The following LILRA2 variants were observed in gnomAD, a reference collection of about 807,000 sequenced individuals.
The protein encoded by LILRA2 is leukocyte immunoglobulin like receptor A2, also known as leukocyte immunoglobulin-like receptor subfamily A member 2.
Under a neutral mutation model 47.9 loss-of-function variants are expected in LILRA2, and 45 were observed. That is an observed-to-expected ratio of 0.94 (90% CI 0.74 to 1.20). The LOEUF is 1.20. Among genes scored for constraint, LILRA2 ranks in the 50% most tolerant of loss-of-function variants. LILRA2 has a pLI of 0.00. For missense variants in LILRA2, 651 were observed against 598.2 expected (o/e 1.09, Z -0.92); for synonymous variants, 279 against 249.2 (o/e 1.12, Z -1.13).
At chr19:54,573,514 G>C, upstream of LILRA2, 1 of 918,910 alleles carries the variant, frequency 1.1e-6, no homozygotes, top group Non-Finnish European at 1.8e-6. Context: ...TGAGAAGGAA[G>C]AGGAAGCCTC....
chr19:54,574,859 G>A lies in LILRA2; in HGVS notation c.481G>A (p.Glu161Lys). 1 of 1,614,270 alleles carries A rather than the reference G, an allele frequency of 6.2e-7. No individual in the cohort carries two copies. The highest frequency in any genetic ancestry group is 8.5e-7 in the Non-Finnish European group (1 of 1,180,046). ...GFILCKEGED[E>K]HPQRLNSHSH... ...CATTCTGTGTAAGGAAGGAGAAGAT[G>A]AACACCCACAACGCCTGAACTCCCA... Residue 161 changes from glutamate to lysine, a missense_variant, in exon 4 of 8, where the codon GAA (glutamate) becomes AAA (lysine). Transcript: ENST00000391738.
At position 54,576,100 on chromosome 19, in the gene LILRA2, G is replaced by C. The variant is rs10408046; in HGVS notation, c.1246G>C (p.Val416Leu). The part of the protein sequence containing the change: ...LSLPSDPLEL[V>L]VSEAAETLSP... ...TCTCCCCAGTGACCCCCTGGAGCTC[G>C]TGGTCTCAGGTGAGGGCCCTGATCT... The change falls in exon 6 of 8, where the codon GTG becomes CTG. Residue 416 changes from valine to leucine, a missense_variant. Coordinates refer to ENST00000391738, the MANE Select transcript of LILRA2 (RefSeq NM_001130917.3). The C allele has an allele frequency of 3.5e-3, 5,617 of 1,612,864 alleles. 8 individuals carry two copies. The African/African-American group carries it at 0.064, about 18-fold the overall frequency.
chr19:54,587,661 G>GCT lies in LILRA2; in HGVS notation c.*318_*319dup, dbSNP rs1416574092. The GCT allele has an allele frequency of 2.4e-6, 1 of 421,032 alleles. No homozygotes were observed. The highest frequency in any genetic ancestry group is 4.1e-5 in the East Asian group (1 of 24,368). The allele number at this position is 421,032 out of a possible 1,614,324, so 26.1% of individuals were successfully genotyped here. The stretch of plus-strand genomic sequence containing the variant: ...GGTCCACACCTCCACACACCTGTGT[G>GCT]CTCTGGTCCACGGCATGTGACACAG... On this transcript the variant is annotated 3_prime_UTR_variant, in exon 8 of 8. Transcript: ENST00000391738.
At chr19:54,577,314 G>A (rs73612431) in intron 6 of LILRA2, among the ~76,000 whole-genome samples, 2,195 of 152,268 alleles carry the variant, frequency 0.014, 47 homozygotes, top group African/African-American at 0.05. Flanking sequence ...AGTAGAGGAA[G>A]GAGAACAGGC....
rs375210370 is a variant in LILRA2, at chr19:54,580,033, T to C, written c.1255+3924T>C. Among the ~76,000 whole-genome samples, 16 of 152,308 alleles carry C rather than the reference T, an allele frequency of 1.1e-4. No homozygotes were observed. In the South Asian group the frequency reaches 2.9e-3, roughly 28 times the overall value. The stretch of plus-strand genomic sequence containing the variant: ...GGCTGAGTCAATGGGGTTTTAAATA[T>C]ATAATCATGTCATCTGCAAGCAGAG... On this transcript the variant is annotated intron_variant, in intron 6 of 7. Coordinates refer to ENST00000391738, the MANE Select transcript of LILRA2 (RefSeq NM_001130917.3).
At chr19:54,576,887 A>G (rs2062468066) in intron 6 of LILRA2, among the ~76,000 whole-genome samples, 1 of 152,256 alleles carries the variant, frequency 6.6e-6, no homozygotes, top group Non-Finnish European at 1.5e-5. Flanking sequence ...TTCCCCTTGC[A>G]CCCTGGACTC....
chr19:54,585,199 C>T (rs1337720977), intron 6 of LILRA2, among the ~76,000 whole-genome samples: 13 of 152,208 alleles, frequency 8.5e-5, no homozygotes, highest in Admixed American at 8.5e-4. Context: ...TCTGTTGGCC[C>T]CTACTGGGAG....
Position 54,574,425 on chromosome 19 carries a change from A to G in LILRA2, c.195A>G (p.Lys65=). 1 of 1,614,100 alleles carries G rather than the reference A, an allele frequency of 6.2e-7. No homozygotes were observed. ...AEEYHLYREN[K]SASWVRRIQE... The stretch of plus-strand genomic sequence containing the variant: ...AGTACCATCTATATAGGGAAAACAA[A>G]TCAGCATCCTGGGTTAGACGGATAC... Residue 65 remains lysine (K), a synonymous_variant, in exon 3 of 8, where the codon AAA becomes AAG. Coordinates refer to ENST00000391738, the MANE Select transcript of LILRA2 (RefSeq NM_001130917.3).
At chr19:54,582,105 T>C (rs920424426) in intron 6 of LILRA2, among the ~76,000 whole-genome samples, 4 of 152,174 alleles carry the variant, frequency 2.6e-5, no homozygotes, top group Non-Finnish European at 2.9e-5. Flanking sequence ...TGAACCAGCC[T>C]TGCATCCCAG....
At position 54,589,793 on chromosome 19, in the gene LILRA2, AATTTCGGT is replaced by A. The variant is rs1358431787; in HGVS notation, c.*2452_*2459del. 1 of 151,618 alleles carries A rather than the reference AATTTCGGT, an allele frequency of 6.6e-6. No individual in the cohort carries two copies. The highest frequency in any genetic ancestry group is 2.4e-5 in the African/African-American group (1 of 41,364). 9.4% of individuals were successfully genotyped at this position (151,618 alleles called of 1,614,324 possible). A position where few individuals can be genotyped will look rare whatever the true frequency, so the allele number is the denominator to read the frequency against. On this transcript the variant is annotated 3_prime_UTR_variant, in exon 8 of 8. Coordinates refer to ENST00000391738, the MANE Select transcript of LILRA2 (RefSeq NM_001130917.3). Reference sequence around the variant, plus strand: ...ATGCTGTCCTAGAAGATCCACTTAGAATTTCGGTATTTACTCACCATTTTGACTCCTCT... The same window carrying A: ...ATGCTGTCCTAGAAGATCCACTTAGAATTTACTCACCATTTTGACTCCTCT...
chr19:54,583,303 C>T (rs537647787), intron 6 of LILRA2, among the ~76,000 whole-genome samples: 2 of 152,278 alleles, frequency 1.3e-5, no homozygotes, highest in South Asian at 4.1e-4. Context: ...CTGCTTGGTT[C>T]AGACCTGAGT....
rs1435485607 is a variant in LILRA2, at chr19:54,575,435, A to T, written c.835A>T (p.Asn279Tyr). 3 of 1,613,986 alleles carry T rather than the reference A, an allele frequency of 1.9e-6. No homozygotes were observed. Among genetic ancestry groups the T allele is most frequent in the Non-Finnish European group, 2.5e-6 (3 of 1,179,954 alleles). The change falls in exon 5 of 8, where the codon AAC (asparagine) becomes TAC (tyrosine). Residue 279 changes from asparagine to tyrosine, a missense_variant. Asn to Tyr is a moderately radical substitution (Grantham distance 143, BLOSUM62 -2). Transcript: ENST00000391738. ...WQPQAGLSQA[N>Y]FTLGPVSPSH... ...GCCCCAGGCTGGGCTCTCCCAGGCC[A>T]ACTTCACCCTGGGCCCTGTGAGCCC...
chr19:54,579,852 T>G (rs927508428), intron 6 of LILRA2, among the ~76,000 whole-genome samples: 1 of 152,160 alleles, frequency 6.6e-6, no homozygotes. Context: ...TTCCTAGGTA[T>G]TTTATTCTCT....
intron 6 of LILRA2, chr19:54,577,702 A>C (rs1271172312): frequency 3.9e-6 from 5 of 1,272,148 alleles, no homozygotes; most frequent in Non-Finnish European, 5.1e-6. Flanking sequence ...GGGGCCCTGC[A>C]CCTGCTCCCT....
intron 6 of LILRA2, chr19:54,577,345 T>C: frequency 1.3e-6 from 1 of 750,264 alleles, no homozygotes; most frequent in South Asian, 1.8e-5. Flanking sequence ...GGATTTGGGG[T>C]CCAGGCCTGA....
chr19:54,589,541 C>T lies in LILRA2; in HGVS notation c.*2195C>T, dbSNP rs553855249. ...TACATTTAACCAAAGAGATGCAATA[C>T]GTATACATTGACAATTTTAAAATAC... On this transcript the variant is annotated 3_prime_UTR_variant, in exon 8 of 8. Coordinates refer to ENST00000391738, the MANE Select transcript of LILRA2 (RefSeq NM_001130917.3). The T allele has an allele frequency of 2.0e-5, 3 of 152,138 alleles. No homozygotes were observed. Among genetic ancestry groups the T allele is most frequent in the South Asian group, 4.2e-4 (2 of 4,818 alleles). 9.4% of individuals were successfully genotyped at this position (152,138 alleles called of 1,614,324 possible).
chr19:54,574,130 G>A lies in LILRA2; in HGVS notation c.70+19G>A. The stretch of plus-strand genomic sequence containing the variant: ...CAGGCAGGTGAGTCTGTTCCCAGCT[G>A]TCCCAGGTCCCTCCTCCTCACTAGG... On this transcript the variant is annotated intron_variant, in intron 2 of 7. Coordinates refer to ENST00000391738, the MANE Select transcript of LILRA2 (RefSeq NM_001130917.3). 50 of 1,614,262 alleles carry A rather than the reference G, an allele frequency of 3.1e-5. No individual in the cohort carries two copies. Among genetic ancestry groups the A allele is most frequent in the Non-Finnish European group, 4.2e-5 (49 of 1,180,046 alleles).
At chr19:54,577,290 C>A (rs1163545956) in intron 6 of LILRA2, among the ~76,000 whole-genome samples, 1 of 152,086 alleles carries the variant, frequency 6.6e-6, no homozygotes, top group Non-Finnish European at 1.5e-5. Flanking sequence ...CCTTGTCCTG[C>A]AGGATGTGTG....
At chr19:54,577,865 G>T (rs1180810458) in intron 6 of LILRA2, 9 of 337,122 alleles carry the variant, frequency 2.7e-5, no homozygotes, top group Non-Finnish European at 4.0e-5. Context: ...ACTTAAAATT[G>T]TATGCATATA....
Sources: gnomAD v4.1 joint callset for allele counts (sites outside exome capture counted in the v4.1 genomes callset) on GRCh38, gnomAD v4.1.1 for gene constraint, MANE v1.5 for transcripts, NCBI Gene and HGNC (gene_info 2026-07-23, HGNC 2026-07-21) for gene names.